The following KALRN variants were observed in gnomAD, a reference collection of about 807,000 sequenced individuals.
KALRN encodes kalirin RhoGEF kinase, also known as kalirin.
In KALRN, 70 loss-of-function variants were observed where a neutral mutation model predicts 353.7. That is an observed-to-expected ratio of 0.20 (90% confidence interval 0.16 to 0.24). KALRN has a LOEUF of 0.24. Among genes scored for constraint, KALRN ranks in the 10% least tolerant of loss-of-function variants. KALRN has a pLI of 1.00. For missense variants in KALRN, 2,791 were observed against 3,756.7 expected (o/e 0.74, Z 6.72); for synonymous variants, 1,391 against 1,434.8 (o/e 0.97, Z 0.69).
intron 12 of KALRN, chr3:124,395,674 G>A (rs1389919998): frequency 1.3e-5 from 4 of 309,122 alleles, no homozygotes; most frequent in Non-Finnish European, 2.5e-5. Context: ...TGCTCATGCA[G>A]AGAAATAGAC....
chr3:124,300,506 A>AGGACACATGCT (rs532132196), intron 6 of KALRN, among the ~76,000 whole-genome samples: 2 of 152,192 alleles, frequency 1.3e-5, no homozygotes, highest in African/African-American at 2.4e-5. Context: ...CATGTACCCA[A>AGGACACATGCT]GGACACATGC....
intron 1 of KALRN, among the ~76,000 whole-genome samples, chr3:124,185,146 G>A (rs1035749826): frequency 6.6e-6 from 1 of 152,162 alleles, no homozygotes; most frequent in African/African-American, 2.4e-5. Flanking sequence ...CTCCCAAGTA[G>A]CTGGGACTAC....
chr3:124,545,531 C>A (rs1436619144), intron 33 of KALRN, among the ~76,000 whole-genome samples: 1 of 152,138 alleles, frequency 6.6e-6, no homozygotes, highest in Non-Finnish European at 1.5e-5. Flanking sequence ...GTGGGAAGCT[C>A]ACACAGGGAC....
At chr3:124,644,217 T>C (rs2082428054) in intron 37 of KALRN, among the ~76,000 whole-genome samples, 1 of 152,148 alleles carries the variant, frequency 6.6e-6, no homozygotes, top group Non-Finnish European at 1.5e-5. Context: ...AAAAAAATAT[T>C]CCACATATAA....
chr3:124,209,368 G>A (rs1322601926), intron 1 of KALRN, among the ~76,000 whole-genome samples: 1 of 151,752 alleles, frequency 6.6e-6, no homozygotes, highest in Admixed American at 6.6e-5. Flanking sequence ...CAGCTGGGTG[G>A]TGGTGGTGTG....
intron 21 of KALRN, among the ~76,000 whole-genome samples, chr3:124,448,613 G>A (rs191905356): frequency 1.4e-4 from 21 of 151,968 alleles, no homozygotes; most frequent in Admixed American, 1.2e-3. Flanking sequence ...TTTTTAAGAG[G>A]AGCCCCTCCT....
Position 124,354,648 on chromosome 3 carries a change from G to T in KALRN, c.1770+7383G>T, listed in dbSNP as rs2083192992. ...TACAGGTTGCAAACAATATTTTTAG[G>T]CTTCTTTATAAATAAACCAACAAAA... is the stretch of plus-strand genomic sequence containing the variant. On this transcript the variant is annotated intron_variant, in intron 10 of 59. Transcript: ENST00000682506. Among the ~76,000 whole-genome samples, 6 of 152,242 alleles carry T rather than the reference G, an allele frequency of 3.9e-5. No individual in the cohort carries two copies. The South Asian group carries it at 1.2e-3, about 32-fold the overall frequency.
chr3:124,712,989 G>A lies in KALRN; in HGVS notation c.8130G>A (p.Val2710=), dbSNP rs775087939. Residue 2710 remains valine (V), a synonymous_variant, in exon 58 of 60, where the codon GTG becomes GTA. Coordinates refer to ENST00000682506, the MANE Select transcript of KALRN (RefSeq NM_001388419.1). Reference sequence around the variant, plus strand: ...TTCACAAAGCTACCCGCAAAGATGTGGCTGTGAAATTTGTTAGCAAAAAAA... The same window carrying A: ...TTCACAAAGCTACCCGCAAAGATGTAGCTGTGAAATTTGTTAGCAAAAAAA... ...KCIHKATRKD[V]AVKFVSKKMK... The A allele has an allele frequency of 1.2e-6, 2 of 1,614,018 alleles. No individual in the cohort carries two copies. Among genetic ancestry groups the A allele is most frequent in the South Asian group, 1.1e-5 (1 of 91,072 alleles).
At chr3:124,503,244 C>G (rs2064811683) in intron 33 of KALRN, among the ~76,000 whole-genome samples, 1 of 152,110 alleles carries the variant, frequency 6.6e-6, no homozygotes, top group Non-Finnish European at 1.5e-5. Context: ...TTACCAGGGC[C>G]TGGAGTAGAT....
chr3:124,111,891 A>C (rs528781842), intron 1 of KALRN, among the ~76,000 whole-genome samples: 165 of 152,342 alleles, frequency 1.1e-3, no homozygotes, highest in African/African-American at 3.8e-3. Context: ...CTATAAATGC[A>C]TATTGTACAA....
chr3:124,670,686 A>G (rs915759839), intron 47 of KALRN, among the ~76,000 whole-genome samples: 1 of 152,214 alleles, frequency 6.6e-6, no homozygotes, highest in Non-Finnish European at 1.5e-5. Context: ...TTACAGTGCA[A>G]ACTGATAAAA....
chr3:124,079,286 G>T (rs1413693347), intron 1 of KALRN, among the ~76,000 whole-genome samples: 2 of 151,954 alleles, frequency 1.3e-5, no homozygotes, highest in African/African-American at 2.4e-5. Flanking sequence ...GAAGATAAGG[G>T]GTCTCCGTAG....
chr3:124,490,400 A>G (rs1577372510), intron 29 of KALRN, among the ~76,000 whole-genome samples: 1 of 152,162 alleles, frequency 6.6e-6, no homozygotes, highest in Admixed American at 6.5e-5. Flanking sequence ...CAGGAGGCCA[A>G]CTGTGGGTGT....
chr3:124,431,198 A>G (rs1445624), intron 16 of KALRN, among the ~76,000 whole-genome samples: 33,990 of 152,126 alleles, frequency 0.22, 4,046 homozygotes, highest in Middle Eastern at 0.35. Flanking sequence ...ATTTTTAACC[A>G]TTTGGTTTAC....
At position 124,661,872 on chromosome 3, in the gene KALRN, C is replaced by T. The variant is rs752955221; in HGVS notation, c.6289C>T (p.Leu2097Phe). 8 of 1,614,082 alleles carry T rather than the reference C, an allele frequency of 5.0e-6. No individual in the cohort carries two copies. The highest frequency in any genetic ancestry group is 1.1e-5 in the South Asian group (1 of 91,082). Residue 2097 changes from leucine (L) to phenylalanine (F), a missense_variant, in exon 45 of 60, where the codon CTT becomes TTT. Coordinates refer to ENST00000682506, the MANE Select transcript of KALRN (RefSeq NM_001388419.1). ...DIEKAVELMC[L>F]VPKRCNDMMN... is the part of the protein sequence containing the mutation. The stretch of plus-strand genomic sequence containing the variant: ...ACAGAAAGCAGTGGAGTTAATGTGC[C>T]TTGTTCCCAAACGCTGCAATGACAT...
intron 37 of KALRN, among the ~76,000 whole-genome samples, chr3:124,643,707 G>T (rs1305322194): frequency 6.6e-6 from 1 of 151,980 alleles, no homozygotes; most frequent in African/African-American, 2.4e-5. Context: ...CCAGACTGGC[G>T]TTGAACCTGA....
chr3:124,361,529 A>G (rs888100461), intron 10 of KALRN, among the ~76,000 whole-genome samples: 1 of 152,226 alleles, frequency 6.6e-6, no homozygotes, highest in African/African-American at 2.4e-5. Flanking sequence ...TTAAAACTTT[A>G]TATTCTTTTC....
chr3:124,637,659 C>T (rs2081515026), intron 37 of KALRN, among the ~76,000 whole-genome samples: 1 of 152,182 alleles, frequency 6.6e-6, no homozygotes, highest in South Asian at 2.1e-4. Flanking sequence ...TGCTGAGACC[C>T]AGAACACACT....
At chr3:124,132,105 T>G (rs1166001143) in intron 1 of KALRN, among the ~76,000 whole-genome samples, 1 of 152,180 alleles carries the variant, frequency 6.6e-6, no homozygotes, top group East Asian at 1.9e-4. Context: ...TCATGTTGTC[T>G]CCTAACAAAC....
Sources: gnomAD v4.1 joint callset for allele counts (sites outside exome capture counted in the v4.1 genomes callset) on GRCh38, gnomAD v4.1.1 for gene constraint, MANE v1.5 for transcripts, NCBI Gene and HGNC (gene_info 2026-07-23, HGNC 2026-07-21) for gene names.